AMMECR1: variants seen among roughly 807,000 people sequenced by gnomAD.
The protein encoded by AMMECR1 is nuclear protein AMMECR1.
AMMECR1 carries 3 observed loss-of-function variants against 22.5 expected under a neutral mutation model. The ratio of observed to expected loss-of-function variants is 0.13; its 90% CI spans 0.06 to 0.35. AMMECR1 has a LOEUF of 0.35. AMMECR1 is among the 10% of genes least tolerant of loss of function. The pLI is 1.00. For missense variants in AMMECR1, 235 were observed against 278.7 expected (o/e 0.84, Z 1.12); for synonymous variants, 130 against 116.7 (o/e 1.11, Z -0.74).
chrX:110,321,232 G>A (rs1291419966), upstream of AMMECR1, among the ~76,000 whole-genome samples: 1 of 111,131 alleles, frequency 9.0e-6, no homozygotes, highest in Non-Finnish European at 1.9e-5. Context: ...AAATATGATA[G>A]AGCACATGGT....
intron 2 of AMMECR1, among the ~76,000 whole-genome samples, chrX:110,222,881 G>T (rs1257905088): frequency 9.0e-6 from 1 of 111,626 alleles, no homozygotes; most frequent in Non-Finnish European, 1.9e-5. Flanking sequence ...TCTATCCTAT[G>T]AGATTCACTT....
chrX:110,232,883 C>CA (rs2067576368), intron 2 of AMMECR1, among the ~76,000 whole-genome samples: 1 of 52,413 alleles, frequency 1.9e-5, no homozygotes, highest in African/African-American at 8.4e-5. Context: ...GAGCCAGACT[C>CA]AGTCTCAAAA....
Position 110,317,909 on chromosome X carries a change from C to A in AMMECR1, c.163G>T (p.Gly55Trp). Residue 55 changes from glycine (G) to tryptophan (W), a missense_variant, in exon 1 of 6, where the codon GGG (glycine) becomes TGG (tryptophan). This residue lies in a region of AMMECR1 where 124 missense variants were observed against 97.0 expected (regional missense o/e 1.28). Transcript: ENST00000262844. The part of the protein sequence containing the change: ...GLGGAGTRLN[G>W]LGGLTGGGSG... The stretch of plus-strand genomic sequence containing the variant: ...CCTCCTCCGGTTAGACCTCCCAGCC[C>A]GTTGAGCCGCGTACCGGCGCCTCCT... The A allele has an allele frequency of 8.4e-7, 1 of 1,195,494 alleles. No homozygotes were observed. Among genetic ancestry groups the A allele is most frequent in the Non-Finnish European group, 1.1e-6 (1 of 887,542 alleles).
chrX:110,304,881 C>G (rs1024210743), intron 1 of AMMECR1, among the ~76,000 whole-genome samples: 5 of 112,051 alleles, frequency 4.5e-5, no homozygotes, highest in Non-Finnish European at 9.4e-5. Context: ...TGACCTATGT[C>G]TAAGATGTTT....
intron 2 of AMMECR1, among the ~76,000 whole-genome samples, chrX:110,370,347 T>C (rs1007240514): frequency 9.0e-6 from 1 of 111,515 alleles, no homozygotes; most frequent in Non-Finnish European, 1.9e-5. Flanking sequence ...TAGCTAGGAT[T>C]ACAGGCACCT....
At chrX:110,426,339 C>A (rs1000897644) in intron 2 of AMMECR1, among the ~76,000 whole-genome samples, 1 of 111,642 alleles carries the variant, frequency 9.0e-6, no homozygotes, top group Non-Finnish European at 1.9e-5. Context: ...TTATCTGTAC[C>A]CTAATGGACA....
intron 2 of AMMECR1, among the ~76,000 whole-genome samples, chrX:110,223,724 T>C (rs2067516715): frequency 8.9e-6 from 1 of 112,171 alleles, no homozygotes; most frequent in African/African-American, 3.2e-5. Flanking sequence ...CAAAAGTGTG[T>C]CTCCAAGGTA....
intron 2 of AMMECR1, among the ~76,000 whole-genome samples, chrX:110,376,929 G>T (rs777290759): frequency 1.3e-4 from 15 of 111,652 alleles, no homozygotes; most frequent in Non-Finnish European, 2.3e-4. Flanking sequence ...GCCTTTCCTT[G>T]AGCACTTCAT....
chrX:110,318,094 A>G (rs1328478883), upstream of AMMECR1: 3 of 1,155,730 alleles, frequency 2.6e-6, no homozygotes, highest in Non-Finnish European at 3.5e-6. Flanking sequence ...TCCCCCACGC[A>G]GCGTTTCCGA....
At chrX:110,370,230 C>CA (rs765854043) in intron 2 of AMMECR1, among the ~76,000 whole-genome samples, 2 of 111,578 alleles carry the variant, frequency 1.8e-5, no homozygotes, top group East Asian at 5.6e-4. Context: ...TTTTTAAAGA[C>CA]AGAGTATCAC....
chrX:110,320,215 C>T (rs1310289377), upstream of AMMECR1, among the ~76,000 whole-genome samples: 1 of 111,842 alleles, frequency 8.9e-6, no homozygotes, highest in Non-Finnish European at 1.9e-5. Flanking sequence ...GAAGAGAAAG[C>T]AGATTGGTTT....
chrX:110,199,819 A>G (rs1053379943), intron 5 of AMMECR1, among the ~76,000 whole-genome samples: 4 of 110,365 alleles, frequency 3.6e-5, no homozygotes, highest in Non-Finnish European at 7.6e-5. Flanking sequence ...TCCTGTTTCC[A>G]ATTCCATTCT....
rs56156052 is a variant in AMMECR1, at chrX:110,259,591, C to CT, written c.584+4897dup. Among the ~76,000 whole-genome samples, 363 of 94,758 alleles carry CT rather than the reference C, an allele frequency of 3.8e-3. 2 individuals carry two copies. Among genetic ancestry groups the CT allele is most frequent in the African/African-American group, 8.4e-3 (221 of 26,287 alleles). 82.3% of individuals were successfully genotyped at this position (94,758 alleles called of 115,157 possible). ...AAAATTTTAAGGAAACTTTCTTTTT[C>CT]TTTTTTTTTTTTTTTTAAGAGATGG... On this transcript the variant is annotated intron_variant, in intron 2 of 5. Transcript: ENST00000262844.
chrX:110,346,637 T>TATC (rs1270369277), intron 2 of AMMECR1: 1 of 551,715 alleles, frequency 1.8e-6, no homozygotes, highest in Non-Finnish European at 3.3e-6. Flanking sequence ...GCTTCAAATG[T>TATC]ATCTCTCTTG....
chrX:110,339,973 T>TACACACACACACACACACACACACAC (rs35459612), intron 2 of AMMECR1, among the ~76,000 whole-genome samples: 1 of 78,789 alleles, frequency 1.3e-5, no homozygotes, highest in Non-Finnish European at 2.5e-5. Context: ...AGGCAAAACA[T>TACACACACACACACACACACACACAC]ACACACACAC....
intron 2 of AMMECR1, among the ~76,000 whole-genome samples, chrX:110,396,566 C>A (rs889524617): frequency 2.7e-5 from 3 of 112,182 alleles, no homozygotes; most frequent in East Asian, 5.5e-4. Flanking sequence ...TGCTCTTGCA[C>A]CTCCTCAGAG....
chrX:110,310,265 C>T (rs1245699629), intron 1 of AMMECR1, among the ~76,000 whole-genome samples: 1 of 111,753 alleles, frequency 8.9e-6, no homozygotes, highest in African/African-American at 3.3e-5. Flanking sequence ...TCCCATATTC[C>T]CCCCATGTTT....
At chrX:110,426,794 A>C (rs1034478226) in exon 2 of AMMECR1, 20 of 111,493 alleles carry the variant, frequency 1.8e-4, no homozygotes, top group Non-Finnish European at 1.9e-5. Context: ...CAAGGTGAGG[A>C]CTCATGGTGC....
At chrX:110,434,030 T>C (rs969330323) in intron 1 of AMMECR1, among the ~76,000 whole-genome samples, 1 of 111,175 alleles carries the variant, frequency 9.0e-6, no homozygotes, top group African/African-American at 3.3e-5. Context: ...CTGGGGAAGT[T>C]GAGGAAGTCT....
Sources: gnomAD v4.1 joint callset for allele counts (sites outside exome capture counted in the v4.1 genomes callset) on GRCh38, gnomAD v4.1.1 for gene constraint, gnomAD v4.1.1 regional missense constraint, MANE v1.5 for transcripts, NCBI Gene and HGNC (gene_info 2026-07-23, HGNC 2026-07-21) for gene names.